Variants in OSBPL9 observed in about 807,000 individuals in gnomAD.
The protein encoded by OSBPL9 is oxysterol binding protein like 9.
In OSBPL9, 40 loss-of-function variants were observed where a neutral mutation model predicts 106.6. That is an observed-to-expected ratio of 0.38 (90% CI 0.29 to 0.49). OSBPL9 has a LOEUF of 0.49. OSBPL9 is among the 20% of genes least tolerant of loss of function. OSBPL9 has a pLI of 0.97. For synonymous variants in OSBPL9, 269 were observed against 295.4 expected (o/e 0.91, Z 0.92); for missense variants, 609 against 887.2 (o/e 0.69, Z 3.98).
intron 8 of OSBPL9, among the ~76,000 whole-genome samples, chr1:51,755,562 C>G (rs1670162060): frequency 6.6e-6 from 1 of 152,198 alleles, no homozygotes; most frequent in Non-Finnish European, 1.5e-5. Context: ...CTATACTGGG[C>G]AGTGGCAGCA....
At chr1:51,562,435 A>G in the OSBPL9 span, among the ~76,000 whole-genome samples, 904 of 152,322 alleles carry the variant, frequency 5.9e-3, 11 homozygotes, top group African/African-American at 0.02. Context: ...TATAGCCTGC[A>G]GACCCATGAG....
At chr1:51,757,548 A>G (rs980194871) in intron 9 of OSBPL9, among the ~76,000 whole-genome samples, 4 of 151,896 alleles carry the variant, frequency 2.6e-5, no homozygotes, top group Admixed American at 1.3e-4. Context: ...GCAGGATTTT[A>G]TAAAACATAC....
intron 1 of OSBPL9, among the ~76,000 whole-genome samples, chr1:51,640,948 T>A (rs181414840): frequency 8.6e-5 from 13 of 151,768 alleles, no homozygotes; most frequent in African/African-American, 3.1e-4. Flanking sequence ...CACACCTGGC[T>A]AATTAAAAAA....
At position 51,789,102 on chromosome 1, in the gene OSBPL9, G is replaced by A; in HGVS notation, c.*1313G>A. 1.2e-6 allele frequency: 1 copy of A among 840,524 alleles called. No individual in the cohort carries two copies. Among genetic ancestry groups the A allele is most frequent in the Non-Finnish European group, 1.9e-6 (1 of 524,574 alleles). The allele number at this position is 840,524 out of a possible 1,614,324, so 52.1% of individuals were successfully genotyped here. On this transcript the variant is annotated 3_prime_UTR_variant, in exon 24 of 24. Transcript: ENST00000428468. Reference sequence around the variant, plus strand: ...TATTAGTCTCAACAAAGGATAAAAAGTAAATCAAATGCTATGATGCCAGTG... The same window carrying A: ...TATTAGTCTCAACAAAGGATAAAAAATAAATCAAATGCTATGATGCCAGTG...
At chr1:51,760,154 A>ATT (rs1455970729) in intron 9 of OSBPL9, 1 of 154,136 alleles carries the variant, frequency 6.5e-6, no homozygotes, top group African/African-American at 2.4e-5. Context: ...ACTACACGAT[A>ATT]TTTTATCAGG....
At chr1:51,663,819 G>A (rs781767703) in intron 2 of OSBPL9, among the ~76,000 whole-genome samples, 23 of 152,190 alleles carry the variant, frequency 1.5e-4, no homozygotes, top group Non-Finnish European at 3.2e-4. Context: ...GTCCAGTCTT[G>A]TCAATGGAGA....
upstream of OSBPL9, chr1:51,617,014 A>AGGACCCGCCCC: frequency 6.8e-7 from 1 of 1,464,024 alleles, no homozygotes; most frequent in Non-Finnish European, 9.1e-7. Flanking sequence ...GGACCCGCCC[A>AGGACCCGCCCC]GGACCCGCCC....
chr1:51,518,765 G>A, the OSBPL9 span, among the ~76,000 whole-genome samples: 2 of 151,940 alleles, frequency 1.3e-5, no homozygotes, highest in Non-Finnish European at 2.9e-5. Context: ...CCTGGCGGGC[G>A]AGCCTCGTGC....
intron 17 of OSBPL9, among the ~76,000 whole-genome samples, chr1:51,783,473 A>G (rs1351836551): frequency 1.3e-5 from 2 of 151,326 alleles, no homozygotes; most frequent in Non-Finnish European, 2.9e-5. Flanking sequence ...GGCGTTAGCC[A>G]CTGAGCCCAG....
intron 3 of OSBPL9, among the ~76,000 whole-genome samples, chr1:51,683,531 G>T (rs1202534802): frequency 6.6e-6 from 1 of 151,758 alleles, no homozygotes; most frequent in Non-Finnish European, 1.5e-5. Flanking sequence ...GGTGGCTCAT[G>T]CCTGTAATTC....
intron 2 of OSBPL9, among the ~76,000 whole-genome samples, chr1:51,657,789 A>G (rs1646904807): frequency 6.6e-6 from 1 of 152,142 alleles, no homozygotes. Context: ...GAAAATGGAG[A>G]CATGACAACA....
At chr1:51,763,297 C>T (rs192326456) in intron 11 of OSBPL9, among the ~76,000 whole-genome samples, 86 of 152,264 alleles carry the variant, frequency 5.6e-4, no homozygotes, top group African/African-American at 1.9e-3. Flanking sequence ...TGAGCCACCG[C>T]GCCCAGCCTG....
chr1:51,661,304 C>A (rs1361691613), intron 2 of OSBPL9, among the ~76,000 whole-genome samples: 1 of 152,110 alleles, frequency 6.6e-6, no homozygotes, highest in East Asian at 1.9e-4. Context: ...AGATTGGCCC[C>A]AAAATAGCCA....
chr1:51,673,623 T>C (rs1431977211), intron 3 of OSBPL9, among the ~76,000 whole-genome samples: 1 of 152,218 alleles, frequency 6.6e-6, no homozygotes, highest in Non-Finnish European at 1.5e-5. Flanking sequence ...CATAGTGTTA[T>C]AACATAGCTG....
the OSBPL9 span, among the ~76,000 whole-genome samples, chr1:51,546,122 T>A: frequency 6.6e-6 from 1 of 151,986 alleles, no homozygotes; most frequent in African/African-American, 2.4e-5. Context: ...GCTCAAGCGA[T>A]CCTCTCACCT....
intron 3 of OSBPL9, among the ~76,000 whole-genome samples, chr1:51,675,652 T>C (rs986422408): frequency 3.3e-5 from 5 of 152,176 alleles, no homozygotes; most frequent in Non-Finnish European, 7.4e-5. Flanking sequence ...GGATGAAAGC[T>C]GTTAGCTTCA....
intron 8 of OSBPL9, among the ~76,000 whole-genome samples, chr1:51,751,350 A>G (rs1418762255): frequency 6.6e-6 from 1 of 152,098 alleles, no homozygotes; most frequent in Non-Finnish European, 1.5e-5. Context: ...GGCGTGAGCT[A>G]CCAAACCCAG....
At chr1:51,705,972 T>G (rs1253036226) in intron 3 of OSBPL9, among the ~76,000 whole-genome samples, 13 of 152,252 alleles carry the variant, frequency 8.5e-5, no homozygotes, top group Non-Finnish European at 1.9e-4. Flanking sequence ...TCTGTTGTAC[T>G]GTTTTTATAT....
chr1:51,632,276 T>C (rs141529096), intron 1 of OSBPL9, among the ~76,000 whole-genome samples: 16 of 152,340 alleles, frequency 1.1e-4, no homozygotes, highest in African/African-American at 2.9e-4. Flanking sequence ...ATAACAGCAT[T>C]GCCACAAACA....
Sources: allele counts gnomAD v4.1 joint callset (sites outside exome capture counted in the v4.1 genomes callset), GRCh38; gene constraint gnomAD v4.1.1; transcripts MANE v1.5; gene names NCBI Gene and HGNC (gene_info 2026-07-23, HGNC 2026-07-21).